The following BARX1 variants were observed in gnomAD, a reference collection of about 807,000 sequenced individuals.
The protein encoded by BARX1 is BARX homeobox 1.
BARX1 carries 10 observed loss-of-function variants against 19.6 expected under a neutral mutation model. The observed-to-expected ratio is 0.51, with a 90% confidence interval of 0.31 to 0.86. The LOEUF (loss-of-function observed/expected upper bound fraction) is 0.86. Among genes scored for constraint, BARX1 ranks in the 40% least tolerant of loss-of-function variants. The pLI is 0.04. For missense variants in BARX1, 309 were observed against 360.4 expected (o/e 0.86, Z 1.15); for synonymous variants, 177 against 170.0 (o/e 1.04, Z -0.32).
Position 93,952,363 on chromosome 9 carries a change from G to C in BARX1, c.601-35C>G, listed in dbSNP as rs200641764. On this transcript the variant is annotated intron_variant, in intron 3 of 3. Transcript: ENST00000253968. ...GGACCGCCAGCACCTGGGTGAGCCAGCACGTGGACTGGGGACCCCCGAGGA... is the reference window on the plus strand; with the variant it reads ...GGACCGCCAGCACCTGGGTGAGCCACCACGTGGACTGGGGACCCCCGAGGA... 4.4e-6 allele frequency: 7 copies of C among 1,593,414 alleles called. No homozygotes were observed. The African/African-American group carries it at 6.7e-5, about 15-fold the overall frequency.
At chr9:93,954,464 G>T (rs1430592621) in intron 1 of BARX1, among the ~76,000 whole-genome samples, 1 of 152,202 alleles carries the variant, frequency 6.6e-6, no homozygotes, top group Non-Finnish European at 1.5e-5. Flanking sequence ...TTGGGCCCGC[G>T]TCAGCACCCA....
At chr9:93,954,269 A>C (rs549849109) in intron 1 of BARX1, among the ~76,000 whole-genome samples, 97 of 152,372 alleles carry the variant, frequency 6.4e-4, no homozygotes, top group Non-Finnish European at 1.0e-3. Flanking sequence ...AAAGGGCAGA[A>C]GCTGAAAAGG....
At position 93,953,053 on chromosome 9, in the gene BARX1, C is replaced by T; in HGVS notation, c.358G>A (p.Glu120Lys). 2 of 1,566,356 alleles carry T rather than the reference C, an allele frequency of 1.3e-6. No homozygotes were observed. The highest frequency in any genetic ancestry group is 1.7e-6 in the Non-Finnish European group (2 of 1,156,364). The change falls in exon 2 of 4, where the codon GAG (glutamate) becomes AAG (lysine). Residue 120 changes from glutamate (E) to lysine (K), a missense_variant. By Grantham distance (56) the Glu-to-Lys change is moderately conservative. Around this residue, in one of 3 missense-constraint regions of BARX1, gnomAD observed 204 missense variants for 206.8 expected, o/e 0.99. Transcript: ENST00000253968. ...GAAGAPHLPLELQLRGKLEAA... is the reference protein window; with the variant it reads ...GAAGAPHLPLKLQLRGKLEAA... ...TCCAGCTTCCCGCGGAGCTGCAACT[C>T]GAGCGGCAGGTGTGGCGCACCCGCG...
intron 1 of BARX1, 23 bp downstream of exon 1, chr9:93,954,901 G>A: frequency 1.5e-6 from 2 of 1,290,776 alleles, no homozygotes; most frequent in South Asian, 2.5e-5. Flanking sequence ...CCCGGCCCGC[G>A]ACCCCGCGGC....
At position 93,953,146 on chromosome 9, in the gene BARX1, G is replaced by A. The variant is rs541371621; in HGVS notation, c.265C>T (p.Leu89=). The A allele has an allele frequency of 7.1e-6, 11 of 1,540,444 alleles. No individual in the cohort carries two copies. Among genetic ancestry groups the A allele is most frequent in the African/African-American group, 6.9e-5 (5 of 72,290 alleles). ...AEQAAVFKFP[L]APLGCSGLSS... ...AGCCCTGAACAGCCCAGCGGCGCCAGTGGGAACTTGAACACCGCCGCCTGC... is the reference window on the plus strand; with the variant it reads ...AGCCCTGAACAGCCCAGCGGCGCCAATGGGAACTTGAACACCGCCGCCTGC... Residue 89 remains leucine (L), a synonymous_variant, in exon 2 of 4, where the codon CTG becomes TTG. Transcript: ENST00000253968.
In BARX1 at chr9:93,953,094, G is replaced by A; in HGVS notation, c.317C>T (p.Pro106Leu). ...GLSSALLAAG[P>L]GLPGAAGAPH... The stretch of plus-strand genomic sequence containing the variant: ...CGCACCCGCGGCGCCGGGCAGCCCG[G>A]GCCCTGCCGCCAGCAACGCAGAGCT... Residue 106 changes from proline to leucine, a missense_variant, in exon 2 of 4, where the codon CCC (proline) becomes CTC (leucine). Physicochemically the swap from Pro to Leu is moderately conservative, Grantham distance 98. Transcript: ENST00000253968. 1.3e-6 allele frequency: 2 copies of A among 1,556,000 alleles called. No homozygotes were observed. Among genetic ancestry groups the A allele is most frequent in the African/African-American group, 1.4e-5 (1 of 73,286 alleles).
In BARX1 at chr9:93,955,286, C is replaced by A. The variant is rs1587810257; in HGVS notation, c.-140G>T. ...CGCCGGCTCATGCCCCCTCCCCCGCCGGCCGGCCGGGCGGAGGCGCAGGGC... is the reference window on the plus strand; with the variant it reads ...CGCCGGCTCATGCCCCCTCCCCCGCAGGCCGGCCGGGCGGAGGCGCAGGGC... On this transcript the variant is annotated 5_prime_UTR_variant, in exon 1 of 4. Transcript: ENST00000253968. The surrounding 1 kb of genome is among the most constrained non-coding windows in gnomAD (Gnocchi z 4.4). 3 of 204,414 alleles carry A rather than the reference C, an allele frequency of 1.5e-5. No individual in the cohort carries two copies. In the East Asian group the frequency reaches 5.8e-4, roughly 40 times the overall value. 12.7% of individuals were successfully genotyped at this position (204,414 alleles called of 1,614,324 possible). A position where few individuals can be genotyped will look rare whatever the true frequency, so the allele number is the denominator to read the frequency against.
chr9:93,955,072 G>A lies in BARX1; in HGVS notation c.75C>T (p.Arg25=). The A allele has an allele frequency of 7.2e-7, 1 of 1,380,002 alleles. No homozygotes were observed. The highest frequency in any genetic ancestry group is 1.6e-5 in the South Asian group (1 of 64,444). The allele number at this position is 1,380,002 out of a possible 1,614,324, so 85.5% of individuals were successfully genotyped here. A position where few individuals can be genotyped will look rare whatever the true frequency, so the allele number is the denominator to read the frequency against. ...TCTCCTCAATCATGAAGCTGCGATA[G>A]CGGTGCGGCCGGTGGTCCGCGCAGC... ...PEGCADHRPH[R]YRSFMIEEIL... is the part of the protein sequence containing the mutation. Residue 25 remains arginine, a synonymous_variant, in exon 1 of 4, where the codon CGC becomes CGT. Transcript: ENST00000253968. This position sits in a 1 kb window ranked among gnomAD's most constrained non-coding sequence, Gnocchi z 4.4.
Position 93,952,976 on chromosome 9 carries a change from G to T in BARX1, c.435C>A (p.Ser145Arg). 6.4e-7 allele frequency: 1 copy of T among 1,569,988 alleles called. No individual in the cohort carries two copies. Among genetic ancestry groups the T allele is most frequent in the Non-Finnish European group, 8.6e-7 (1 of 1,157,770 alleles). Residue 145 changes from serine to arginine, a missense_variant, in exon 2 of 4, where the codon AGC becomes AGA. This residue lies in a region of BARX1 where 34 missense variants were observed against 73.2 expected (regional missense o/e 0.46). Coordinates refer to ENST00000253968, the MANE Select transcript of BARX1 (RefSeq NM_021570.4). ...PGTKAKKGRRSRTVFTELQLM... is the reference protein window; with the variant it reads ...PGTKAKKGRRRRTVFTELQLM... The stretch of plus-strand genomic sequence containing the variant: ...GCTGCAGCTCGGTGAACACAGTGCG[G>T]CTCCGACGCCCCTTCTTGGCTTTGG...
intron 1 of BARX1, 38 bp downstream of exon 1, chr9:93,954,886 C>A: frequency 7.8e-7 from 1 of 1,274,448 alleles, no homozygotes; most frequent in Non-Finnish European, 9.9e-7. Context: ...CTGTCTCCCG[C>A]CAAGCCCGGC....
At chr9:93,953,319 C>CGCAAAACCT in intron 1 of BARX1, 132 bp from the exon 2 acceptor site, 2 of 1,054,836 alleles carry the variant, frequency 1.9e-6, no homozygotes, top group Non-Finnish European at 2.6e-6. Flanking sequence ...CCACGCCCTG[C>CGCAAAACCT]CGGTCGGCGC....
chr9:93,951,891 C>T lies in BARX1; in HGVS notation c.*273G>A. Reference sequence around the variant, plus strand: ...GCGGGGCGTGAATACGCGTGGAGCGCTCTGCGCCACGGAGCTCAGGGTAGA... The same window carrying T: ...GCGGGGCGTGAATACGCGTGGAGCGTTCTGCGCCACGGAGCTCAGGGTAGA... On this transcript the variant is annotated 3_prime_UTR_variant, in exon 4 of 4. Coordinates refer to ENST00000253968, the MANE Select transcript of BARX1 (RefSeq NM_021570.4). 3 of 481,660 alleles carry T rather than the reference C, an allele frequency of 6.2e-6. No individual in the cohort carries two copies. The South Asian group carries it at 8.1e-5, about 13-fold the overall frequency. 29.8% of individuals were successfully genotyped at this position (481,660 alleles called of 1,614,324 possible).
At chr9:93,952,459 A>T (rs993848716) in intron 3 of BARX1, 131 bp from the exon 4 acceptor site, 48 of 1,347,632 alleles carry the variant, frequency 3.6e-5, no homozygotes, top group Non-Finnish European at 4.5e-5. Flanking sequence ...GTCCCGGGAA[A>T]TGGCGGCCAT....
rs1829111634 is a variant in BARX1 at position 93,952,294 on chromosome 9, TTGG to T, written c.632_634del (p.Thr211del). ...GTTCTTCTTGGGCCGCCCCTTGGGC[TTGG>T]TGGGAGACTCCAGGCCGCCGCCCTG... On this transcript the variant is annotated inframe_deletion, in exon 4 of 4. Coordinates refer to ENST00000253968, the MANE Select transcript of BARX1 (RefSeq NM_021570.4). 6.2e-7 allele frequency: 1 copy of T among 1,611,380 alleles called. No homozygotes were observed.
At chr9:93,953,852 G>A (rs1829129409) in intron 1 of BARX1, among the ~76,000 whole-genome samples, 1 of 152,258 alleles carries the variant, frequency 6.6e-6, no homozygotes, top group South Asian at 2.1e-4. Flanking sequence ...GGAGACGAAA[G>A]GTAGCCGAAT....
intron 1 of BARX1, among the ~76,000 whole-genome samples, chr9:93,954,253 T>C (rs1829135777): frequency 6.6e-6 from 1 of 152,054 alleles, no homozygotes; most frequent in South Asian, 2.1e-4. Flanking sequence ...CCCGCCAAAT[T>C]AGAAGAAAGG....
Position 93,952,717 on chromosome 9 carries a change from AG to A in BARX1, c.600+11del. ...GGAAGCTGAGGGGTGGGAAGCCACC[AG>A]GCACACTCACTATTTTCTTCCACTT... On this transcript the variant is annotated intron_variant, in intron 3 of 3. Transcript: ENST00000253968. The A allele has an allele frequency of 6.2e-7, 1 of 1,613,652 alleles. No homozygotes were observed. Among genetic ancestry groups the A allele is most frequent in the African/African-American group, 1.3e-5 (1 of 75,032 alleles).
At position 93,955,009 on chromosome 9, in the gene BARX1, G is replaced by A. The variant is rs1222922062; in HGVS notation, c.138C>T (p.Pro46=). The stretch of plus-strand genomic sequence containing the variant: ...CGCCCGCCGCGGCAGCGGCGGCTGC[G>A]GGCGCGGCGCCCTTGGGCCCGGGTG... ...TEPPGPKGAA[P]AAAAAAAGEL... Residue 46 remains proline (P), a synonymous_variant, in exon 1 of 4, where the codon CCC becomes CCT. Transcript: ENST00000253968. The surrounding 1 kb of genome is among the most constrained non-coding windows in gnomAD (Gnocchi z 4.4). 5.0e-6 allele frequency: 7 copies of A among 1,398,084 alleles called. No individual in the cohort carries two copies. Among genetic ancestry groups the A allele is most frequent in the Middle Eastern group, 5.0e-4 (2 of 3,982 alleles). The allele number at this position is 1,398,084 out of a possible 1,614,324, so 86.6% of individuals were successfully genotyped here.
Position 93,951,879 on chromosome 9 carries a change from A to G in BARX1, c.*285T>C, listed in dbSNP as rs1057713. The G allele has an allele frequency of 0.39, 156,550 of 404,182 alleles. 31,836 individuals carry two copies. Among genetic ancestry groups the G allele is most frequent in the Admixed American group, 0.46 (12,043 of 26,170 alleles). The allele number at this position is 404,182 out of a possible 1,614,324, so 25.0% of individuals were successfully genotyped here. The stretch of plus-strand genomic sequence containing the variant: ...TGCAGGCGAGGAGCGGGGCGTGAAT[A>G]CGCGTGGAGCGCTCTGCGCCACGGA... On this transcript the variant is annotated 3_prime_UTR_variant, in exon 4 of 4. Transcript: ENST00000253968.
Sources: gnomAD v4.1 joint callset for allele counts (sites outside exome capture counted in the v4.1 genomes callset) on GRCh38, gnomAD v4.1.1 for gene constraint, gnomAD v4.1.1 regional missense constraint, Gnocchi (gnomAD v3.1) non-coding constraint, MANE v1.5 for transcripts, NCBI Gene and HGNC (gene_info 2026-07-23, HGNC 2026-07-21) for gene names.